Variants in KCNH7 observed in about 807,000 individuals in gnomAD.
KCNH7 encodes the protein potassium voltage-gated channel subfamily H member 7.
A neutral mutation model predicts 120.8 loss-of-function variants in KCNH7; 49 were observed. The ratio of observed to expected loss-of-function variants is 0.41; its 90% CI spans 0.32 to 0.51. The LOEUF (loss-of-function observed/expected upper bound fraction) is 0.51, where lower values mean the gene tolerates loss of function less well. KCNH7 is among the 20% of genes least tolerant of loss of function. The pLI is 0.38. For synonymous variants in KCNH7, 547 were observed against 516.1 expected (o/e 1.06, Z -0.81); for missense variants, 1,097 against 1,446.6 (o/e 0.76, Z 3.92).
At chr2:162,641,343 T>C (rs369704309) in intron 2 of KCNH7, among the ~76,000 whole-genome samples, 1 of 152,142 alleles carries the variant, frequency 6.6e-6, no homozygotes. Context: ...ACTACTGATA[T>C]ATGCAAAAAC....
intron 2 of KCNH7, among the ~76,000 whole-genome samples, chr2:162,836,211 A>C (rs1199159051): frequency 6.6e-6 from 1 of 152,158 alleles, no homozygotes; most frequent in Non-Finnish European, 1.5e-5. Context: ...CGCCTACCAA[A>C]TGCATACCAA....
chr2:162,401,982 A>G (rs73971858), intron 9 of KCNH7, among the ~76,000 whole-genome samples: 4,149 of 151,868 alleles, frequency 0.027, 191 homozygotes, highest in African/African-American at 0.094. Flanking sequence ...CTGCTACAGG[A>G]ACTCAGGTTT....
At chr2:162,692,242 C>T (rs182900764) in intron 2 of KCNH7, among the ~76,000 whole-genome samples, 104 of 151,726 alleles carry the variant, frequency 6.9e-4, no homozygotes, top group African/African-American at 2.5e-3. Flanking sequence ...TCTTGTGCCT[C>T]AGCCTCCCAA....
intron 2 of KCNH7, among the ~76,000 whole-genome samples, chr2:162,563,147 A>G (rs1693132101): frequency 6.6e-6 from 1 of 152,200 alleles, no homozygotes; most frequent in Admixed American, 6.5e-5. Flanking sequence ...AGGCAAGGAC[A>G]ATGGCCAAGG....
intron 12 of KCNH7, 85 bp from the exon 13 acceptor site, chr2:162,385,024 A>G (rs1686533808): frequency 1.9e-6 from 2 of 1,046,544 alleles, no homozygotes; most frequent in East Asian, 2.5e-5. Context: ...ACCTAGCTAT[A>G]TATATAAACT....
rs201006807 is a variant in KCNH7, at chr2:162,570,185, C to T, written c.308-33105G>A. On this transcript the variant is annotated intron_variant, in intron 2 of 15. Transcript: ENST00000332142. The stretch of plus-strand genomic sequence containing the variant: ...AGTCTAAGTCTCTTTGTAGGTCTCT[C>T]AGGACTTGCTTTATGAATCTAGGTG... Among the ~76,000 whole-genome samples, 3 of 148,952 alleles carry T rather than the reference C, an allele frequency of 2.0e-5. No individual in the cohort carries two copies. In the East Asian group the frequency reaches 5.9e-4, roughly 29 times the overall value.
chr2:162,435,120 TTACTC>T, intron 8 of KCNH7, 73 bp downstream of exon 8: 1 of 1,328,726 alleles, frequency 7.5e-7, no homozygotes, highest in Non-Finnish European at 1.0e-6. Flanking sequence ...TTTCTTTGCC[TTACTC>T]TAAATATTGT....
chr2:162,752,902 G>GAAAAAAGAAAAGAAAAGAAAAGA lies in KCNH7; in HGVS notation c.307+83634_307+83635insTCTTTTCTTTTCTTTTCTTTTTT, dbSNP rs140501872. 4.1e-4 allele frequency among the ~76,000 whole-genome samples: 25 copies of GAAAAAAGAAAAGAAAAGAAAAGA among 61,280 alleles called. 1 individual carries two copies. The highest frequency in any genetic ancestry group is 0.012 in the Middle Eastern group (2 of 162). The allele number at this position is 61,280 out of a possible 152,430, so 40.2% of individuals were successfully genotyped here. A position where few individuals can be genotyped will look rare whatever the true frequency, so the allele number is the denominator to read the frequency against. On this transcript the variant is annotated intron_variant, in intron 2 of 15. Transcript: ENST00000332142. ...GGCAAAAGAGCAAGACTACATCTCAGAAAAAGAAAAGAAAAGAAAAGAAAA... is the reference window on the plus strand; with the variant it reads ...GGCAAAAGAGCAAGACTACATCTCAGAAAAAAGAAAAGAAAAGAAAAGAAAAAAGAAAAGAAAAGAAAAGAAAA...
intron 2 of KCNH7, among the ~76,000 whole-genome samples, chr2:162,828,813 C>T (rs1322916607): frequency 6.6e-6 from 1 of 152,120 alleles, no homozygotes; most frequent in African/African-American, 2.4e-5. Flanking sequence ...CCACAGTCCT[C>T]TCTCACTCCT....
intron 2 of KCNH7, among the ~76,000 whole-genome samples, chr2:162,672,085 G>T (rs1685380789): frequency 6.6e-6 from 1 of 151,936 alleles, no homozygotes; most frequent in African/African-American, 2.4e-5. Flanking sequence ...GAAAAAAATT[G>T]ATCAATTCAT....
intron 2 of KCNH7, among the ~76,000 whole-genome samples, chr2:162,660,923 G>C (rs1684936959): frequency 6.6e-6 from 1 of 152,114 alleles, no homozygotes; most frequent in Admixed American, 6.5e-5. Flanking sequence ...CCCCAGTATT[G>C]TCTCCTCTAT....
At chr2:162,701,880 G>A (rs1331759846) in intron 2 of KCNH7, among the ~76,000 whole-genome samples, 2 of 151,970 alleles carry the variant, frequency 1.3e-5, no homozygotes, top group African/African-American at 4.8e-5. Context: ...GGTGGTACAT[G>A]CCTGTAGTCC....
intron 13 of KCNH7, among the ~76,000 whole-genome samples, chr2:162,382,683 T>C (rs114150677): frequency 0.013 from 1,955 of 152,044 alleles, 38 homozygotes; most frequent in African/African-American, 0.044. Context: ...ACATGTCCTA[T>C]TGATGGTGAA....
intron 2 of KCNH7, among the ~76,000 whole-genome samples, chr2:162,819,722 T>A (rs558096736): frequency 6.6e-6 from 1 of 152,268 alleles, no homozygotes; most frequent in South Asian, 2.1e-4. Flanking sequence ...TTCCCTAGAA[T>A]AAAGAGTTGG....
At chr2:162,553,365 C>A (rs1182452256) in intron 2 of KCNH7, among the ~76,000 whole-genome samples, 2 of 152,168 alleles carry the variant, frequency 1.3e-5, no homozygotes, top group African/African-American at 4.8e-5. Flanking sequence ...GCATAACATG[C>A]TGCTGTTCAG....
intron 3 of KCNH7, among the ~76,000 whole-genome samples, chr2:162,535,342 T>C (rs767384397): frequency 3.3e-5 from 5 of 151,764 alleles, no homozygotes; most frequent in Non-Finnish European, 5.9e-5. Flanking sequence ...TAAAAGTCAA[T>C]GTATAAGTCA....
At chr2:162,607,220 C>CAAAAAAAAAAAAAAAAA (rs34786286) in intron 2 of KCNH7, among the ~76,000 whole-genome samples, 1 of 111,970 alleles carries the variant, frequency 8.9e-6, no homozygotes, top group Non-Finnish European at 2.0e-5. Flanking sequence ...ACTAAAAATA[C>CAAAAAAAAAAAAAAAAA]AAAAAAAAAA....
At chr2:162,628,935 A>C (rs560268855) in intron 2 of KCNH7, among the ~76,000 whole-genome samples, 79 of 152,258 alleles carry the variant, frequency 5.2e-4, no homozygotes, top group Non-Finnish European at 1.0e-3. Context: ...CAGAACACAT[A>C]GGATTATCAT....
chr2:162,554,012 C>T (rs1692773965), intron 2 of KCNH7, among the ~76,000 whole-genome samples: 1 of 152,196 alleles, frequency 6.6e-6, no homozygotes, highest in African/African-American at 2.4e-5. Context: ...ACTTTTCTGA[C>T]ATTTCCTCCC....
Sources: gnomAD v4.1 joint callset for allele counts (sites outside exome capture counted in the v4.1 genomes callset) on GRCh38, gnomAD v4.1.1 for gene constraint, MANE v1.5 for transcripts, NCBI Gene and HGNC (gene_info 2026-07-23, HGNC 2026-07-21) for gene names.